Variants in CELF2 observed in about 807,000 individuals in gnomAD.
CELF2 encodes the protein CUG triplet repeat RNA-binding protein 2.
A neutral mutation model predicts 62.6 loss-of-function variants in CELF2; 8 were observed. That is an observed-to-expected ratio of 0.13 (90% CI 0.07 to 0.23). The LOEUF (loss-of-function observed/expected upper bound fraction) is 0.23, where lower values mean the gene tolerates loss of function less well. Among genes scored for constraint, CELF2 ranks in the 10% least tolerant of loss-of-function variants. The pLI, the probability that CELF2 is intolerant of heterozygous loss-of-function variation, is 1.00. For missense variants in CELF2, 333 were observed against 671.0 expected (o/e 0.50, Z 5.56); for synonymous variants, 258 against 250.0 (o/e 1.03, Z -0.30).
At position 11,328,682 on chromosome 10, in the gene CELF2, T is replaced by C. The variant is rs993784846; in HGVS notation, c.1439-244T>C. 2.0e-5 allele frequency among the ~76,000 whole-genome samples: 3 copies of C among 152,218 alleles called. No homozygotes were observed. Among genetic ancestry groups the C allele is most frequent in the Non-Finnish European group, 4.4e-5 (3 of 68,028 alleles). On this transcript the variant is annotated intron_variant, in intron 12 of 12. Coordinates refer to ENST00000633077, the MANE Select transcript of CELF2 (RefSeq NM_001326342.2). This position sits in a 1 kb window ranked among gnomAD's most constrained non-coding sequence, Gnocchi z 6.4. ...AATTGAGTCTGAGGTTTCAGTGTTG[T>C]GGGGAGGGGTGTGTGCTCCATGATG...
intron 1 of CELF2, among the ~76,000 whole-genome samples, chr10:11,080,746 C>T (rs1015258252): frequency 9.2e-5 from 14 of 152,254 alleles, no homozygotes; most frequent in Middle Eastern, 3.4e-3. Context: ...GCCCCTATTC[C>T]GGAGGTGGAG....
At chr10:10,773,283 C>A in the CELF2 span, among the ~76,000 whole-genome samples, 1 of 152,204 alleles carries the variant, frequency 6.6e-6, no homozygotes, top group African/African-American at 2.4e-5. Context: ...CATCCCATCA[C>A]TGTAGGCGTT....
intron 1 of CELF2, among the ~76,000 whole-genome samples, chr10:10,908,403 G>T (rs530226421): frequency 6.6e-6 from 1 of 151,564 alleles, no homozygotes; most frequent in East Asian, 2.0e-4. Flanking sequence ...TGTATTTTTA[G>T]TAGAGACGGG....
At chr10:10,524,153 T>C in the CELF2 span, among the ~76,000 whole-genome samples, 1 of 151,732 alleles carries the variant, frequency 6.6e-6, no homozygotes, top group African/African-American at 2.4e-5. Flanking sequence ...TAATAAGAAA[T>C]GGGGGAAGAT....
At chr10:10,898,473 A>G (rs1564788136) in intron 1 of CELF2, among the ~76,000 whole-genome samples, 1 of 152,216 alleles carries the variant, frequency 6.6e-6, no homozygotes, top group Non-Finnish European at 1.5e-5. Context: ...GAGTGGCTCT[A>G]TTAGTAGTAG....
At chr10:11,323,443 A>AATC (rs1287343243) in intron 11 of CELF2, among the ~76,000 whole-genome samples, 2 of 148,450 alleles carry the variant, frequency 1.3e-5, no homozygotes, top group African/African-American at 4.9e-5. Context: ...TAATAATAAT[A>AATC]ATAATAATAA....
chr10:10,691,388 T>G, the CELF2 span, among the ~76,000 whole-genome samples: 1 of 147,648 alleles, frequency 6.8e-6, no homozygotes, highest in Admixed American at 6.7e-5. Flanking sequence ...TGCCACATTT[T>G]CTTAATCCAG....
rs886910671 is a variant in CELF2, at chr10:10,972,389, A to G, written c.89+52390A>G. On this transcript the variant is annotated intron_variant, in intron 2 of 13. Transcript: ENST00000636488. The surrounding 1 kb of genome is among the most constrained non-coding windows in gnomAD (Gnocchi z 4.4). The stretch of plus-strand genomic sequence containing the variant: ...TGGAAAACTCATCTTATTTAAAACT[A>G]GGAATATCCTCTGGGTATTCCCTCT... Among the ~76,000 whole-genome samples the G allele has an allele frequency of 6.6e-6, 1 of 152,208 alleles. No homozygotes were observed. Among genetic ancestry groups the G allele is most frequent in the African/African-American group, 2.4e-5 (1 of 41,450 alleles).
At chr10:10,543,660 A>C in the CELF2 span, among the ~76,000 whole-genome samples, 1 of 152,200 alleles carries the variant, frequency 6.6e-6, no homozygotes, top group Non-Finnish European at 1.5e-5. Flanking sequence ...CAGCCTGGGC[A>C]ACATGGAGAA....
the CELF2 span, among the ~76,000 whole-genome samples, chr10:10,544,521 C>G: frequency 6.6e-6 from 1 of 152,190 alleles, no homozygotes; most frequent in East Asian, 1.9e-4. Flanking sequence ...ATATATTTGT[C>G]TATAGCCATA....
At chr10:10,834,554 C>T (rs950431909) in intron 1 of CELF2, among the ~76,000 whole-genome samples, 1 of 152,168 alleles carries the variant, frequency 6.6e-6, no homozygotes, top group South Asian at 2.1e-4. Context: ...CTCACAACTG[C>T]ATGAAGTAGT....
the CELF2 span, among the ~76,000 whole-genome samples, chr10:10,717,373 CT>C: frequency 2.0e-5 from 3 of 150,538 alleles, no homozygotes; most frequent in African/African-American, 7.4e-5. Flanking sequence ...GGCAATGAAA[CT>C]TATTAAAAAA....
At chr10:10,757,343 C>G in the CELF2 span, among the ~76,000 whole-genome samples, 2 of 152,074 alleles carry the variant, frequency 1.3e-5, no homozygotes, top group African/African-American at 4.8e-5. Flanking sequence ...CCTGTAGTCC[C>G]AGCTACTCGG....
At chr10:11,094,087 C>A (rs1411750889) in intron 1 of CELF2, among the ~76,000 whole-genome samples, 1 of 152,136 alleles carries the variant, frequency 6.6e-6, no homozygotes, top group African/African-American at 2.4e-5. Context: ...TTTTTCAGGC[C>A]AGTTTATAAA....
chr10:11,250,591 T>TG (rs1302415820), intron 4 of CELF2, among the ~76,000 whole-genome samples: 1 of 152,198 alleles, frequency 6.6e-6, no homozygotes, highest in East Asian at 1.9e-4. Flanking sequence ...TGCTAGGAGC[T>TG]GGGGCTGCAG....
At chr10:10,783,855 G>A in the CELF2 span, among the ~76,000 whole-genome samples, 1 of 152,090 alleles carries the variant, frequency 6.6e-6, no homozygotes, top group Non-Finnish European at 1.5e-5. Flanking sequence ...GGGCGTGGTG[G>A]TACACACCTG....
At chr10:11,288,058 C>G (rs1446638803) in intron 8 of CELF2, among the ~76,000 whole-genome samples, 1 of 152,266 alleles carries the variant, frequency 6.6e-6, no homozygotes, top group Non-Finnish European at 1.5e-5. Flanking sequence ...TGTGGCCAGT[C>G]AGCACTGAAA....
At chr10:10,837,791 G>A (rs2058403014) in intron 1 of CELF2, among the ~76,000 whole-genome samples, 1 of 152,000 alleles carries the variant, frequency 6.6e-6, no homozygotes, top group Non-Finnish European at 1.5e-5. Flanking sequence ...TGACCCAATG[G>A]CCATGTTTTG....
At chr10:10,880,011 A>G (rs2061350681) in intron 1 of CELF2, among the ~76,000 whole-genome samples, 1 of 152,220 alleles carries the variant, frequency 6.6e-6, no homozygotes. Flanking sequence ...TTTAGCAAAT[A>G]TTTATTCAGC....
Sources: allele counts gnomAD v4.1 joint callset (sites outside exome capture counted in the v4.1 genomes callset), GRCh38; gene constraint gnomAD v4.1.1; non-coding constraint Gnocchi (gnomAD v3.1); transcripts MANE v1.5; gene names NCBI Gene and HGNC (gene_info 2026-07-23, HGNC 2026-07-21).